The following EFCAB5 variants were observed in gnomAD, a reference collection of about 807,000 sequenced individuals.
EFCAB5 encodes the protein EF-hand calcium binding domain 5, also known as EF-hand calcium-binding domain-containing protein 5.
In EFCAB5, 131 loss-of-function variants were observed where a neutral mutation model predicts 167.9. That is an observed-to-expected ratio of 0.78 (90% CI 0.68 to 0.90). The LOEUF (loss-of-function observed/expected upper bound fraction) is 0.90, where lower values mean the gene tolerates loss of function less well. Among genes scored for constraint, EFCAB5 ranks in the 40% least tolerant of loss-of-function variants. The pLI is 0.00. For synonymous variants in EFCAB5, 574 were observed against 602.8 expected, an observed-to-expected ratio of 0.95 and a Z score of 0.70; for missense variants, 1,663 against 1,745.2, an observed-to-expected ratio of 0.95 and a Z score of 0.84.
intron 17 of EFCAB5, 93 bp downstream of exon 17, chr17:30,081,074 G>T (rs752320180): frequency 6.1e-6 from 6 of 976,774 alleles, no homozygotes; most frequent in Non-Finnish European, 7.7e-6. Context: ...TGAGAGTAAA[G>T]CTGTGTATAC....
intron 3 of EFCAB5, among the ~76,000 whole-genome samples, chr17:29,945,441 G>T (rs558298130): frequency 6.6e-6 from 1 of 152,056 alleles, no homozygotes; most frequent in South Asian, 2.1e-4. Flanking sequence ...ACTTGTTGTG[G>T]TGGCTTATGC....
chr17:30,027,223 G>A (rs2069350812), intron 7 of EFCAB5, among the ~76,000 whole-genome samples: 1 of 146,852 alleles, frequency 6.8e-6, no homozygotes, highest in Admixed American at 6.9e-5. Context: ...CTGACCTCGT[G>A]ATTTGCCCAC....
intron 4 of EFCAB5, 33 bp downstream of exon 4, chr17:29,969,400 G>A: frequency 6.7e-7 from 1 of 1,491,716 alleles, no homozygotes; most frequent in Non-Finnish European, 9.0e-7. Flanking sequence ...TTCATGATCT[G>A]TCTCCTTACA....
At chr17:29,941,578 C>A, upstream of EFCAB5, 1 of 392,248 alleles carries the variant, frequency 2.5e-6, no homozygotes, top group Non-Finnish European at 4.6e-6. Context: ...TAGCTTTGGT[C>A]AGTAGCAACA....
At chr17:29,994,936 A>G (rs951531193) in intron 5 of EFCAB5, among the ~76,000 whole-genome samples, 2 of 152,236 alleles carry the variant, frequency 1.3e-5, no homozygotes, top group East Asian at 3.8e-4. Context: ...TTATTAACTG[A>G]CGAAAAACAG....
chr17:29,958,885 C>T (rs1007622823), intron 3 of EFCAB5, among the ~76,000 whole-genome samples: 2 of 152,156 alleles, frequency 1.3e-5, no homozygotes, highest in African/African-American at 2.4e-5. Context: ...ATCTTGAAGC[C>T]TTGTAGAGGT....
chr17:30,023,634 C>T (rs1409117780), intron 7 of EFCAB5, among the ~76,000 whole-genome samples: 1 of 152,040 alleles, frequency 6.6e-6, no homozygotes, highest in Non-Finnish European at 1.5e-5. Context: ...CCTTCTGAAA[C>T]TATTCCAATC....
intron 13 of EFCAB5, 78 bp downstream of exon 13, chr17:30,057,968 G>A: frequency 7.6e-7 from 1 of 1,323,190 alleles, no homozygotes; most frequent in Middle Eastern, 2.0e-4. Flanking sequence ...TGCTCCCGAT[G>A]TGGCTCGTGT....
chr17:30,098,320 T>C (rs1216178463), intron 22 of EFCAB5, among the ~76,000 whole-genome samples: 2 of 146,844 alleles, frequency 1.4e-5, no homozygotes, highest in East Asian at 4.0e-4. Context: ...AGCCCAGGAG[T>C]TCAAGAGCAG....
upstream of EFCAB5, among the ~76,000 whole-genome samples, chr17:29,941,262 A>T (rs1298258875): frequency 8.5e-5 from 13 of 152,082 alleles, no homozygotes; most frequent in Admixed American, 7.2e-4. Flanking sequence ...TAAAGTGGGG[A>T]TCTGGTAATT....
In EFCAB5 at chr17:30,063,944, C is replaced by T. The variant is rs77508752; in HGVS notation, c.2737+4243C>T. Reference sequence around the variant, plus strand: ...CTGAAGAAACTGCACAGAGACTATACCATTTCACCTATCTGGAAACAATGT... The same window carrying T: ...CTGAAGAAACTGCACAGAGACTATATCATTTCACCTATCTGGAAACAATGT... On this transcript the variant is annotated intron_variant, in intron 14 of 22. Transcript: ENST00000394835. Among the ~76,000 whole-genome samples, 148 of 152,308 alleles carry T rather than the reference C, an allele frequency of 9.7e-4. 4 individuals carry two copies. The East Asian group carries it at 0.025, about 26-fold the overall frequency.
chr17:30,100,831 A>G (rs914572707), intron 22 of EFCAB5, among the ~76,000 whole-genome samples: 8 of 152,190 alleles, frequency 5.3e-5, no homozygotes, highest in Non-Finnish European at 1.2e-4. Flanking sequence ...ATATGAATGT[A>G]CAAGGAATAT....
chr17:30,051,085 A>G (rs766335658), intron 8 of EFCAB5, 33 bp from the exon 9 acceptor site: 13 of 1,603,256 alleles, frequency 8.1e-6, no homozygotes, highest in African/African-American at 8.0e-5. Context: ...AATCTCCTGT[A>G]ACAACTAATC....
At chr17:30,073,117 G>T in intron 14 of EFCAB5, 1 of 693,282 alleles carries the variant, frequency 1.4e-6, no homozygotes, top group East Asian at 2.7e-5. Context: ...GTGCAGTGGC[G>T]CAACTGTAGC....
chr17:30,049,882 C>T lies in EFCAB5; in HGVS notation c.1201-1236C>T, dbSNP rs556216874. On this transcript the variant is annotated intron_variant, in intron 8 of 22. Coordinates refer to ENST00000394835, the MANE Select transcript of EFCAB5 (RefSeq NM_198529.4). ...CTTCTAGTTATTTATCCTAGAGAAA[C>T]GTTTGCATATGTACACAGGAGACGT... is the stretch of plus-strand genomic sequence containing the variant. 3.9e-5 allele frequency among the ~76,000 whole-genome samples: 6 copies of T among 152,182 alleles called. No homozygotes were observed. In the South Asian group the frequency reaches 6.2e-4, roughly 16 times the overall value.
chr17:30,011,667 A>T (rs1223139576), intron 7 of EFCAB5, among the ~76,000 whole-genome samples: 1 of 152,100 alleles, frequency 6.6e-6, no homozygotes, highest in Non-Finnish European at 1.5e-5. Flanking sequence ...GTATCCTGAG[A>T]CTATGCTGAA....
At chr17:30,069,146 C>G in intron 14 of EFCAB5, 1 of 1,541,234 alleles carries the variant, frequency 6.5e-7, no homozygotes, top group Non-Finnish European at 9.0e-7. Flanking sequence ...GAACCAGAAC[C>G]AAATGCAAAG....
intron 7 of EFCAB5, among the ~76,000 whole-genome samples, chr17:30,019,796 T>A (rs1375466612): frequency 3.9e-5 from 6 of 152,174 alleles, no homozygotes. Flanking sequence ...TTAGAAGAAT[T>A]CCTAAAATCA....
chr17:30,052,603 A>G (rs774029961), intron 9 of EFCAB5, among the ~76,000 whole-genome samples: 2 of 152,206 alleles, frequency 1.3e-5, no homozygotes, highest in African/African-American at 2.4e-5. Flanking sequence ...TTTGGGAGAA[A>G]TGGGGACAGT....
Sources: gnomAD v4.1 joint callset for allele counts (sites outside exome capture counted in the v4.1 genomes callset) on GRCh38, gnomAD v4.1.1 for gene constraint, MANE v1.5 for transcripts, NCBI Gene and HGNC (gene_info 2026-07-23, HGNC 2026-07-21) for gene names.